MACF1: variants seen among roughly 807,000 people sequenced by gnomAD.
MACF1 encodes the protein microtubule-actin cross-linking factor 1.
Under a neutral mutation model 854.8 loss-of-function variants are expected in MACF1, and 193 were observed. The ratio of observed to expected loss-of-function variants is 0.23; its 90% CI spans 0.20 to 0.25. The LOEUF is 0.25. Ranked by LOEUF, MACF1 falls within the 10% of genes least tolerant of loss-of-function variation. The pLI is 1.00. For missense variants in MACF1, 7,722 were observed against 8,929.1 expected, an observed-to-expected ratio of 0.86 and a Z score of 5.45; for synonymous variants, 3,185 against 3,226.7, an observed-to-expected ratio of 0.99 and a Z score of 0.44.
rs144855350 is a variant in MACF1, at chr1:39,296,128, G to C, written c.2355+246G>C. 1.3e-3 allele frequency among the ~76,000 whole-genome samples: 204 copies of C among 152,304 alleles called. 6 individuals are homozygous for C. In the East Asian group the frequency reaches 0.032, roughly 24 times the overall value. On this transcript the variant is annotated intron_variant, in intron 20 of 100. Coordinates refer to ENST00000564288, the MANE Select transcript of MACF1 (RefSeq NM_001394062.1). Reference sequence around the variant, plus strand: ...CTGCAGACAGGCTGGGGGCTGGTTGGTCCCAAATGGCATTGCTCATGTCTG... The same window carrying C: ...CTGCAGACAGGCTGGGGGCTGGTTGCTCCCAAATGGCATTGCTCATGTCTG...
At chr1:39,200,766 A>G, upstream of MACF1, among the ~76,000 whole-genome samples, 1 of 151,076 alleles carries the variant, frequency 6.6e-6, no homozygotes, top group South Asian at 2.1e-4. Flanking sequence ...TCATATATTC[A>G]ATTGTCTATT....
intron 6 of MACF1, among the ~76,000 whole-genome samples, chr1:39,279,770 C>T (rs1645507540): frequency 6.6e-6 from 1 of 152,176 alleles, no homozygotes; most frequent in African/African-American, 2.4e-5. Context: ...AGGAGGCTTA[C>T]ATGGTTTGCC....
At chr1:39,173,351 A>AAAAAAAAAAG (rs1553155692) in intron 2 of MACF1, among the ~76,000 whole-genome samples, 27 of 126,242 alleles carry the variant, frequency 2.1e-4, no homozygotes, top group Non-Finnish European at 3.6e-4. Context: ...AAAAAAAAAA[A>AAAAAAAAAAG]AAAGAAAGAA....
At position 39,309,566 on chromosome 1, in the gene MACF1, C is replaced by A. The variant is rs764419363; in HGVS notation, c.2790-4C>A. 3.1e-6 allele frequency: 5 copies of A among 1,613,876 alleles called. No homozygotes were observed. In the Admixed American group the frequency reaches 6.7e-5, roughly 22 times the overall value. ...GTAATAGTCAGGTTCTGTGTTATTT[C>A]TAGGGTCGAACAATCTTATCAGAAG... On this transcript the variant is annotated splice_region_variant and splice_polypyrimidine_tract_variant and intron_variant, in intron 23 of 100. Transcript: ENST00000564288.
intron 15 of MACF1, among the ~76,000 whole-genome samples, chr1:39,291,091 C>T (rs1645774832): frequency 6.6e-6 from 1 of 151,990 alleles, no homozygotes; most frequent in Non-Finnish European, 1.5e-5. Flanking sequence ...ATTCTCCTGC[C>T]TCAGCCTCTC....
intron 2 of MACF1, among the ~76,000 whole-genome samples, chr1:39,237,809 T>A (rs1644876676): frequency 6.6e-6 from 1 of 152,008 alleles, no homozygotes; most frequent in African/African-American, 2.4e-5. Flanking sequence ...TAGCAAAAAC[T>A]GTTGAAACAA....
At chr1:39,428,471 C>G (rs1557649540) in intron 63 of MACF1, among the ~76,000 whole-genome samples, 184 bp downstream of exon 63, 1 of 151,984 alleles carries the variant, frequency 6.6e-6, no homozygotes, top group African/African-American at 2.4e-5. Flanking sequence ...CATGGAAATA[C>G]TTATATTTAA....
At chr1:39,172,830 G>A (rs1475321053) in intron 2 of MACF1, among the ~76,000 whole-genome samples, 1 of 152,214 alleles carries the variant, frequency 6.6e-6, no homozygotes, top group Non-Finnish European at 1.5e-5. Flanking sequence ...TGCAAGGGGT[G>A]AGGTTGGCAT....
chr1:39,423,035 G>A (rs1473461851), intron 60 of MACF1, 135 bp downstream of exon 60: 1 of 733,068 alleles, frequency 1.4e-6, no homozygotes. Context: ...TGAAAAGAAA[G>A]GTGGAAATTG....
At chr1:39,436,525 C>T (rs755780455) in intron 70 of MACF1, 7 of 1,604,358 alleles carry the variant, frequency 4.4e-6, no homozygotes, top group Non-Finnish European at 8.5e-7. Context: ...CTAGGGTGTT[C>T]TTATAATGCT....
At chr1:39,127,620 C>T (rs1473033866) in intron 2 of MACF1, among the ~76,000 whole-genome samples, 3 of 152,266 alleles carry the variant, frequency 2.0e-5, no homozygotes, top group Admixed American at 6.5e-5. Context: ...TATACTTTTC[C>T]TTCACTTCCT....
intron 58 of MACF1, among the ~76,000 whole-genome samples, chr1:39,389,165 C>A (rs564885685): frequency 1.8e-4 from 27 of 151,964 alleles, no homozygotes; most frequent in African/African-American, 6.0e-4. Flanking sequence ...CATGAGCCAT[C>A]ACGCCCAGCC....
intron 49 of MACF1, among the ~76,000 whole-genome samples, 183 bp downstream of exon 49, chr1:39,361,860 A>G (rs1648212692): frequency 6.6e-6 from 1 of 152,184 alleles, no homozygotes; most frequent in Admixed American, 6.6e-5. Flanking sequence ...CAACACAGTC[A>G]ATATTTATTT....
At chr1:39,416,188 T>C (rs1643303159) in intron 58 of MACF1, among the ~76,000 whole-genome samples, 1 of 152,132 alleles carries the variant, frequency 6.6e-6, no homozygotes, top group Non-Finnish European at 1.5e-5. Flanking sequence ...TTACCAGTTA[T>C]TTTGTCAGGT....
rs1420311068 is a variant in MACF1 at position 39,452,828 on chromosome 1, G to A, written c.20742+16G>A. The stretch of plus-strand genomic sequence containing the variant: ...CACCCATAAGGTAATCCAGCCTTGG[G>A]GTTTGGTGACCTCATGCTACCTACC... On this transcript the variant is annotated intron_variant, in intron 87 of 100. Transcript: ENST00000564288. 4 of 1,612,472 alleles carry A rather than the reference G, an allele frequency of 2.5e-6. No individual in the cohort carries two copies. The African/African-American group carries it at 5.3e-5, about 22-fold the overall frequency.
chr1:39,436,402 C>T, intron 70 of MACF1: 1 of 1,481,870 alleles, frequency 6.7e-7, no homozygotes, highest in Non-Finnish European at 9.4e-7. Flanking sequence ...GAATGTGTTA[C>T]TTTGTGTTGT....
intron 6 of MACF1, among the ~76,000 whole-genome samples, chr1:39,267,967 G>A (rs1182180450): frequency 5.9e-5 from 9 of 152,098 alleles, no homozygotes; most frequent in Admixed American, 5.9e-4. Context: ...GTTTCTTCAG[G>A]TTATAATTTC....
rs529258844 is a variant in MACF1 at position 39,160,036 on chromosome 1, C to T, written c.221-71146C>T. Among the ~76,000 whole-genome samples the T allele has an allele frequency of 6.9e-4, 105 of 152,122 alleles. 1 individual carries two copies. Among genetic ancestry groups the T allele is most frequent in the African/African-American group, 2.5e-3 (104 of 41,500 alleles). ...GTATGCTATAAAGGGATATACAGGT[C>T]GGGCATGGTGGCTCGCACTCGTAAT... On this transcript the variant is annotated intron_variant, in intron 2 of 93. Coordinates refer to the MACF1 transcript ENST00000361689.
At chr1:39,315,909 G>T (rs1334476539) in intron 27 of MACF1, among the ~76,000 whole-genome samples, 2 of 152,162 alleles carry the variant, frequency 1.3e-5, no homozygotes, top group Non-Finnish European at 2.9e-5. Flanking sequence ...GAATTAATTT[G>T]CAGTGTTGGG....
Sources: gnomAD v4.1 joint callset for allele counts (sites outside exome capture counted in the v4.1 genomes callset) on GRCh38, gnomAD v4.1.1 for gene constraint, MANE v1.5 for transcripts, NCBI Gene and HGNC (gene_info 2026-07-23, HGNC 2026-07-21) for gene names.